Variants in NCOA7 observed in about 807,000 individuals in gnomAD.
NCOA7 encodes 140 kDa estrogen receptor-associated protein.
Under a neutral mutation model 104.3 loss-of-function variants are expected in NCOA7, and 45 were observed. That is an observed-to-expected ratio of 0.43 (90% CI 0.34 to 0.55). The LOEUF (loss-of-function observed/expected upper bound fraction) is 0.55. Ranked by LOEUF, NCOA7 falls within the 20% of genes least tolerant of loss-of-function variation. The pLI is 0.02. For missense variants in NCOA7, 1,041 were observed against 1,119.7 expected (o/e 0.93, Z 1.00); for synonymous variants, 398 against 402.3 (o/e 0.99, Z 0.13).
chr6:125,898,761 A>G (rs535088433), intron 10 of NCOA7, among the ~76,000 whole-genome samples: 35 of 152,312 alleles, frequency 2.3e-4, no homozygotes, highest in Middle Eastern at 6.8e-3. Context: ...TGCCCAGCCT[A>G]TAATACATAT....
At chr6:125,784,615 T>G (rs2128537001) in intron 1 of NCOA7, among the ~76,000 whole-genome samples, 1 of 152,316 alleles carries the variant, frequency 6.6e-6, no homozygotes, top group Admixed American at 6.5e-5. Context: ...TTATTCATAA[T>G]AGCCAAAAAC....
At chr6:125,789,994 G>A (rs1774679230), upstream of NCOA7, among the ~76,000 whole-genome samples, 1 of 152,232 alleles carries the variant, frequency 6.6e-6, no homozygotes, top group African/African-American at 2.4e-5. Flanking sequence ...ACTGGGGATG[G>A]GGAGCTCACA....
At chr6:125,899,855 G>C in intron 10 of NCOA7, 1 of 370,528 alleles carries the variant, frequency 2.7e-6, no homozygotes, top group Non-Finnish European at 6.2e-6. Context: ...TCACTCTACA[G>C]TCAGACGTAA....
chr6:125,823,484 G>A (rs1778385388), intron 2 of NCOA7, among the ~76,000 whole-genome samples: 1 of 152,098 alleles, frequency 6.6e-6, no homozygotes, highest in Admixed American at 6.5e-5. Flanking sequence ...CTAAACTGTT[G>A]TATGAGCCGT....
intron 1 of NCOA7, among the ~76,000 whole-genome samples, chr6:125,807,244 C>T (rs1485840435): frequency 1.3e-5 from 2 of 152,232 alleles, no homozygotes; most frequent in Admixed American, 6.5e-5. Flanking sequence ...GTCTTCTCTC[C>T]TGACCAACTC....
chr6:125,909,497 A>C (rs1786325439), intron 10 of NCOA7, among the ~76,000 whole-genome samples: 1 of 152,140 alleles, frequency 6.6e-6, no homozygotes, highest in Admixed American at 6.5e-5. Flanking sequence ...GAACACACAC[A>C]ATATAGGGAA....
chr6:125,856,588 G>A (rs959176305), intron 3 of NCOA7, among the ~76,000 whole-genome samples: 4 of 152,066 alleles, frequency 2.6e-5, no homozygotes, highest in Non-Finnish European at 5.9e-5. Context: ...TCTTGACCTC[G>A]TGATCTAAGA....
intron 11 of NCOA7, chr6:125,919,481 G>A: frequency 6.5e-7 from 1 of 1,546,270 alleles, no homozygotes; most frequent in Non-Finnish European, 8.9e-7. Flanking sequence ...TGAATTCTCA[G>A]TGATGTACCT....
At chr6:125,916,195 G>A (rs559702486) in intron 11 of NCOA7, among the ~76,000 whole-genome samples, 4 of 152,270 alleles carry the variant, frequency 2.6e-5, no homozygotes, top group Middle Eastern at 3.4e-3. Context: ...GGCAGTTTCC[G>A]CTACGCTCGC....
Position 125,799,440 on chromosome 6 carries a change from GT to G in NCOA7, c.-65+8375del, listed in dbSNP as rs1775670189. On this transcript the variant is annotated intron_variant, in intron 1 of 15. Coordinates refer to ENST00000392477, the MANE Select transcript of NCOA7 (RefSeq NM_181782.5). ...TATTGGCTTACTTTATTGCTTAGTTGTTCTTTTTTTTTTTTTTTTGATAGAA... is the reference window on the plus strand; with the variant it reads ...TATTGGCTTACTTTATTGCTTAGTTGTCTTTTTTTTTTTTTTTTGATAGAA... Among the ~76,000 whole-genome samples, 3 of 120,632 alleles carry G rather than the reference GT, an allele frequency of 2.5e-5. No individual in the cohort carries two copies. The Admixed American group carries it at 3.3e-4, about 13-fold the overall frequency. The allele number at this position is 120,632 out of a possible 152,430, so 79.1% of individuals were successfully genotyped here. A position where few individuals can be genotyped will look rare whatever the true frequency, so the allele number is the denominator to read the frequency against.
chr6:125,819,781 G>A (rs1380077547), intron 2 of NCOA7, among the ~76,000 whole-genome samples: 1 of 151,970 alleles, frequency 6.6e-6, no homozygotes, highest in East Asian at 1.9e-4. Context: ...CTTTAGTATT[G>A]CCATACAGGG....
intron 1 of NCOA7, chr6:125,802,459 G>A (rs1213777760): frequency 6.6e-6 from 1 of 152,168 alleles, no homozygotes; most frequent in Non-Finnish European, 1.5e-5. Context: ...AGAGGGAAAA[G>A]CAGCTACCTG....
intron 10 of NCOA7, among the ~76,000 whole-genome samples, chr6:125,893,509 CCTT>C (rs1282070082): frequency 1.3e-5 from 2 of 152,130 alleles, no homozygotes; most frequent in African/African-American, 4.8e-5. Flanking sequence ...CCAAATCTCT[CCTT>C]CTTTATTTAC....
chr6:125,824,861 C>T (rs529260293), intron 2 of NCOA7, among the ~76,000 whole-genome samples: 154 of 152,242 alleles, frequency 1.0e-3, no homozygotes, highest in African/African-American at 3.2e-3. Flanking sequence ...CGGGTTCACG[C>T]CATTCTCCTG....
At position 125,909,024 on chromosome 6, in the gene NCOA7, A is replaced by G. The variant is rs565928503; in HGVS notation, c.2097-6309A>G. On this transcript the variant is annotated intron_variant, in intron 10 of 15. Coordinates refer to ENST00000392477, the MANE Select transcript of NCOA7 (RefSeq NM_181782.5). Reference sequence around the variant, plus strand: ...ACATTTCCTTTTTCACTCGGTGTCTATGATTGTCCAAAGACTTTCCCAAAG... The same window carrying G: ...ACATTTCCTTTTTCACTCGGTGTCTGTGATTGTCCAAAGACTTTCCCAAAG... 5.3e-5 allele frequency among the ~76,000 whole-genome samples: 8 copies of G among 152,366 alleles called. No individual in the cohort carries two copies. In the East Asian group the frequency reaches 1.2e-3, roughly 22 times the overall value.
chr6:125,908,543 ATAT>A (rs764587913), intron 10 of NCOA7, among the ~76,000 whole-genome samples: 1 of 152,180 alleles, frequency 6.6e-6, no homozygotes, highest in Non-Finnish European at 1.5e-5. Context: ...AGCTCTAATA[ATAT>A]TGAGATCTTC....
intron 1 of NCOA7, among the ~76,000 whole-genome samples, chr6:125,792,829 T>TA (rs1470075845): frequency 6.6e-6 from 1 of 152,194 alleles, no homozygotes; most frequent in Non-Finnish European, 1.5e-5. Context: ...ATTTGCTTTA[T>TA]TTTTACACTA....
chr6:125,896,188 A>G (rs1009647922), intron 10 of NCOA7, among the ~76,000 whole-genome samples: 61 of 151,936 alleles, frequency 4.0e-4, no homozygotes, highest in African/African-American at 1.1e-3. Context: ...CATTAAAAGT[A>G]TCTGTAAAAT....
chr6:125,906,331 T>C (rs1275435977), intron 10 of NCOA7, among the ~76,000 whole-genome samples: 1 of 150,136 alleles, frequency 6.7e-6, no homozygotes, highest in Non-Finnish European at 1.5e-5. Context: ...GGTAGGAGAG[T>C]GGGGTGAGCT....
Sources: allele counts gnomAD v4.1 joint callset (sites outside exome capture counted in the v4.1 genomes callset), GRCh38; gene constraint gnomAD v4.1.1; transcripts MANE v1.5; gene names NCBI Gene and HGNC (gene_info 2026-07-23, HGNC 2026-07-21).